The following CACNG3 variants were observed in gnomAD, a reference collection of about 807,000 sequenced individuals.
CACNG3 encodes voltage-dependent calcium channel gamma-3 subunit.
CACNG3 carries 3 observed loss-of-function variants against 28.5 expected under a neutral mutation model. That is an observed-to-expected ratio of 0.11 (90% CI 0.05 to 0.27). The LOEUF is 0.27. Among genes scored for constraint, CACNG3 ranks in the 10% least tolerant of loss-of-function variants. The pLI is 1.00. For missense variants in CACNG3, 236 were observed against 414.4 expected (o/e 0.57, Z 3.74); for synonymous variants, 174 against 162.2 (o/e 1.07, Z -0.55).
At chr16:24,275,521 C>T (rs908542512) in intron 1 of CACNG3, among the ~76,000 whole-genome samples, 3 of 152,240 alleles carry the variant, frequency 2.0e-5, no homozygotes, top group South Asian at 4.2e-4. Context: ...GGCACTTATG[C>T]GACTGAGTTG....
intron 1 of CACNG3, among the ~76,000 whole-genome samples, chr16:24,343,080 T>C (rs929111414): frequency 6.6e-6 from 1 of 152,038 alleles, no homozygotes; most frequent in African/African-American, 2.4e-5. Flanking sequence ...TCCCAGCTAC[T>C]TGGGAGGCTG....
At chr16:24,284,047 G>T (rs1898863439) in intron 1 of CACNG3, among the ~76,000 whole-genome samples, 1 of 152,030 alleles carries the variant, frequency 6.6e-6, no homozygotes, top group Admixed American at 6.6e-5. Context: ...TTATTAATAG[G>T]GTAAGTTATG....
At chr16:24,287,141 G>T (rs1413603585) in intron 1 of CACNG3, among the ~76,000 whole-genome samples, 2 of 152,164 alleles carry the variant, frequency 1.3e-5, no homozygotes, top group African/African-American at 2.4e-5. Context: ...AAAACAAACT[G>T]AAGCAATTAA....
At chr16:24,281,882 C>G (rs902616896) in intron 1 of CACNG3, among the ~76,000 whole-genome samples, 1 of 152,196 alleles carries the variant, frequency 6.6e-6, no homozygotes, top group African/African-American at 2.4e-5. Context: ...CTAACTTGCC[C>G]AGGACCGACA....
intron 1 of CACNG3, among the ~76,000 whole-genome samples, chr16:24,337,650 T>TTAA (rs548094524): frequency 0.011 from 1,716 of 150,250 alleles, 21 homozygotes; most frequent in African/African-American, 0.03. Context: ...GATCCCATTG[T>TTAA]TAATAATAAT....
chr16:24,355,125 TA>T, intron 3 of CACNG3, 152 bp downstream of exon 3: 1 of 773,804 alleles, frequency 1.3e-6, no homozygotes, highest in South Asian at 2.0e-5. Context: ...AGAATTCCAT[TA>T]GAACCAAAGA....
chr16:24,333,182 T>C (rs1048075385), intron 1 of CACNG3, among the ~76,000 whole-genome samples: 12 of 152,090 alleles, frequency 7.9e-5, no homozygotes, highest in African/African-American at 2.9e-4. Context: ...CGCAATTTTA[T>C]CAGAAAAATT....
At chr16:24,353,280 T>G (rs1465146440) in intron 2 of CACNG3, among the ~76,000 whole-genome samples, 1 of 152,348 alleles carries the variant, frequency 6.6e-6, no homozygotes, top group Admixed American at 6.5e-5. Context: ...TGGCTAGGCC[T>G]CACATTTTTG....
In CACNG3 at chr16:24,361,887, C is replaced by T. The variant is rs368106492; in HGVS notation, c.*24C>T. 4.3e-5 allele frequency: 68 copies of T among 1,579,702 alleles called. No homozygotes were observed. The Admixed American group carries it at 5.1e-4, about 12-fold the overall frequency. On this transcript the variant is annotated 3_prime_UTR_variant, in exon 4 of 4. Coordinates refer to ENST00000005284, the MANE Select transcript of CACNG3 (RefSeq NM_006539.4). This position sits in a 1 kb window ranked among gnomAD's most constrained non-coding sequence, Gnocchi z 6.8. ...GAACTGACCTCTGACCTCTGCCCCA[C>T]GCCCAGCACAGCCTTGGGGGAAGTG...
chr16:24,287,840 G>A (rs1202881662), intron 1 of CACNG3, among the ~76,000 whole-genome samples: 1 of 152,170 alleles, frequency 6.6e-6, no homozygotes, highest in African/African-American at 2.4e-5. Context: ...AGGTACAGTG[G>A]GCTTATGCCT....
intron 3 of CACNG3, among the ~76,000 whole-genome samples, chr16:24,360,629 A>G (rs568532301): frequency 2.0e-5 from 3 of 152,338 alleles, no homozygotes; most frequent in East Asian, 3.9e-4. Flanking sequence ...TGGATTTTCC[A>G]TAAGCACTTC....
In CACNG3 at chr16:24,362,181, C is replaced by T. The variant is rs1274828736; in HGVS notation, c.*318C>T. 1 of 233,044 alleles carries T rather than the reference C, an allele frequency of 4.3e-6. No individual in the cohort carries two copies. Among genetic ancestry groups the T allele is most frequent in the Non-Finnish European group, 8.4e-6 (1 of 119,428 alleles). The allele number at this position is 233,044 out of a possible 1,614,324, so 14.4% of individuals were successfully genotyped here. On this transcript the variant is annotated 3_prime_UTR_variant, in exon 4 of 4. Coordinates refer to ENST00000005284, the MANE Select transcript of CACNG3 (RefSeq NM_006539.4). ...TGGAAGAGGACTTTACTAAAAGTCA[C>T]AGGTGGTGGCCAGGGGGGATTTCCG...
chr16:24,346,069 G>T (rs976840695), intron 1 of CACNG3, among the ~76,000 whole-genome samples: 2 of 152,146 alleles, frequency 1.3e-5, no homozygotes, highest in South Asian at 2.1e-4. Flanking sequence ...TGATGTACTT[G>T]AATTCTGCCT....
intron 1 of CACNG3, among the ~76,000 whole-genome samples, chr16:24,273,707 C>T (rs530599798): frequency 6.6e-6 from 1 of 152,292 alleles, no homozygotes; most frequent in East Asian, 1.9e-4. Flanking sequence ...CTCTGAGTCA[C>T]TCCAAGAAAA....
chr16:24,294,932 A>G (rs914444872), intron 1 of CACNG3, among the ~76,000 whole-genome samples: 1 of 152,174 alleles, frequency 6.6e-6, no homozygotes, highest in African/African-American at 2.4e-5. Context: ...CATTCCTCCT[A>G]ATGATAGATA....
At chr16:24,360,972 C>T (rs1198527671) in intron 3 of CACNG3, among the ~76,000 whole-genome samples, 1 of 152,166 alleles carries the variant, frequency 6.6e-6, no homozygotes, top group African/African-American at 2.4e-5. Context: ...GTCTTTGCTA[C>T]TAATGGTAAA....
At chr16:24,336,631 A>G (rs1303307545) in intron 1 of CACNG3, among the ~76,000 whole-genome samples, 1 of 117,492 alleles carries the variant, frequency 8.5e-6, no homozygotes, top group African/African-American at 2.6e-5. Context: ...ACTCATACCT[A>G]TAATCCTAGT....
intron 1 of CACNG3, among the ~76,000 whole-genome samples, chr16:24,331,379 T>G (rs1424362188): frequency 1.3e-5 from 2 of 152,138 alleles, no homozygotes; most frequent in African/African-American, 4.8e-5. Flanking sequence ...TCATTCCTCA[T>G]TAAATTTCCC....
At chr16:24,277,408 G>A (rs565110491) in intron 1 of CACNG3, among the ~76,000 whole-genome samples, 11 of 152,244 alleles carry the variant, frequency 7.2e-5, no homozygotes, top group South Asian at 2.1e-4. Context: ...CTTGCAATGC[G>A]CAGGACAGCC....
Sources: allele counts gnomAD v4.1 joint callset (sites outside exome capture counted in the v4.1 genomes callset), GRCh38; gene constraint gnomAD v4.1.1; non-coding constraint Gnocchi (gnomAD v3.1); transcripts MANE v1.5; gene names NCBI Gene and HGNC (gene_info 2026-07-23, HGNC 2026-07-21).